Variants in VWC2 observed in about 807,000 individuals in gnomAD.
VWC2 encodes von Willebrand factor C domain containing 2.
A neutral mutation model predicts 29.8 loss-of-function variants in VWC2; 14 were observed. The ratio of observed to expected loss-of-function variants is 0.47; its 90% confidence interval spans 0.31 to 0.74. The LOEUF (loss-of-function observed/expected upper bound fraction) is 0.74. Ranked by LOEUF, VWC2 falls within the 30% of genes least tolerant of loss-of-function variation. VWC2 has a pLI of 0.05. For synonymous variants in VWC2, 213 were observed against 199.0 expected, an observed-to-expected ratio of 1.07 and a Z score of -0.59; for missense variants, 457 against 459.8, an observed-to-expected ratio of 0.99 and a Z score of 0.05.
chr7:49,817,295 A>G (rs570880895), intron 3 of VWC2, among the ~76,000 whole-genome samples: 33 of 152,346 alleles, frequency 2.2e-4, no homozygotes, highest in African/African-American at 7.5e-4. Flanking sequence ...CACAATATAC[A>G]ATAAAACTGT....
chr7:49,786,814 AT>A (rs1380332489), intron 2 of VWC2, among the ~76,000 whole-genome samples: 3 of 152,040 alleles, frequency 2.0e-5, no homozygotes, highest in African/African-American at 4.8e-5. Context: ...TCTCTTGCCC[AT>A]TTTTTAATGG....
At chr7:49,911,914 CAAA>C (rs1793463383) in intron 3 of VWC2, 117 bp from the exon 4 acceptor site, 1 of 751,562 alleles carries the variant, frequency 1.3e-6, no homozygotes, top group African/African-American at 2.1e-5. Flanking sequence ...AACAAACAAA[CAAA>C]TACACGCACA....
chr7:49,897,502 A>C (rs1421816668), intron 3 of VWC2, among the ~76,000 whole-genome samples: 1 of 152,226 alleles, frequency 6.6e-6, no homozygotes, highest in Non-Finnish European at 1.5e-5. Flanking sequence ...AACACTGATC[A>C]ATAGAGTTTC....
At chr7:49,839,554 G>A (rs553404312) in intron 3 of VWC2, among the ~76,000 whole-genome samples, 1 of 152,110 alleles carries the variant, frequency 6.6e-6, no homozygotes, top group Non-Finnish European at 1.5e-5. Context: ...ACCTAGGGGA[G>A]GTTTCACCTG....
At chr7:49,898,127 GTGTA>G (rs1166276770) in intron 3 of VWC2, among the ~76,000 whole-genome samples, 1 of 151,860 alleles carries the variant, frequency 6.6e-6, no homozygotes, top group African/African-American at 2.4e-5. Context: ...GTGTGTGTGT[GTGTA>G]TGTATGTGTG....
chr7:49,834,435 T>TC (rs1789610880), intron 3 of VWC2, among the ~76,000 whole-genome samples: 1 of 152,198 alleles, frequency 6.6e-6, no homozygotes, highest in African/African-American at 2.4e-5. Flanking sequence ...AAAGTAGGAC[T>TC]CCAATTATGT....
At chr7:49,835,769 A>G (rs531182003) in intron 3 of VWC2, among the ~76,000 whole-genome samples, 2 of 152,204 alleles carry the variant, frequency 1.3e-5, no homozygotes, top group Admixed American at 6.5e-5. Context: ...AGTAAAATGT[A>G]TGATTGATGG....
chr7:49,838,127 T>C (rs541541360), intron 3 of VWC2, among the ~76,000 whole-genome samples: 23 of 152,298 alleles, frequency 1.5e-4, no homozygotes, highest in Non-Finnish European at 2.9e-4. Flanking sequence ...GGACTGAAGA[T>C]CCTGAAGGCT....
rs1051111107 is a variant in VWC2 at position 49,914,381 on chromosome 7, T to C, written c.*2196T>C. 1 of 152,228 alleles carries C rather than the reference T, an allele frequency of 6.6e-6. No homozygotes were observed. Among genetic ancestry groups the C allele is most frequent in the Non-Finnish European group, 1.5e-5 (1 of 68,044 alleles). 9.4% of individuals were successfully genotyped at this position (152,228 alleles called of 1,614,324 possible). A position where few individuals can be genotyped will look rare whatever the true frequency, so the allele number is the denominator to read the frequency against. ...TAGAGAGAATGAACCCAGTATCATCTTGGGAAGTTAACTGACTCACTTGCT... is the reference window on the plus strand; with the variant it reads ...TAGAGAGAATGAACCCAGTATCATCCTGGGAAGTTAACTGACTCACTTGCT... On this transcript the variant is annotated 3_prime_UTR_variant, in exon 4 of 4. Transcript: ENST00000340652.
rs951442865 is a variant in VWC2 at position 49,918,495 on chromosome 7, A to G, written c.*6310A>G. On this transcript the variant is annotated 3_prime_UTR_variant, in exon 4 of 4. Coordinates refer to ENST00000340652, the MANE Select transcript of VWC2 (RefSeq NM_198570.5). ...TGTAGCCTCCCTAGTCTAAATGCTT[A>G]TGCTATATTTTGTTTCCTAAATCTA... 1 of 152,232 alleles carries G rather than the reference A, an allele frequency of 6.6e-6. No homozygotes were observed. Among genetic ancestry groups the G allele is most frequent in the Non-Finnish European group, 1.5e-5 (1 of 68,034 alleles). The allele number at this position is 152,232 out of a possible 1,614,324, so 9.4% of individuals were successfully genotyped here.
rs1793926931 is a variant in VWC2 at position 49,919,752 on chromosome 7, C to G, written c.*7567C>G. The stretch of plus-strand genomic sequence containing the variant: ...GGTGGACAGAGGTAGTCCCACTCAT[C>G]CCCAGGGGGCTCAGCTGCCACCGGC... On this transcript the variant is annotated 3_prime_UTR_variant, in exon 4 of 4. Coordinates refer to ENST00000340652, the MANE Select transcript of VWC2 (RefSeq NM_198570.5). 6.6e-6 allele frequency: 1 copy of G among 152,360 alleles called. No individual in the cohort carries two copies. Among genetic ancestry groups the G allele is most frequent in the South Asian group, 2.1e-4 (1 of 4,828 alleles). 9.4% of individuals were successfully genotyped at this position (152,360 alleles called of 1,614,324 possible). A position where few individuals can be genotyped will look rare whatever the true frequency, so the allele number is the denominator to read the frequency against.
At chr7:49,790,313 A>G (rs2128703621) in intron 2 of VWC2, among the ~76,000 whole-genome samples, 1 of 152,352 alleles carries the variant, frequency 6.6e-6, no homozygotes, top group Admixed American at 6.5e-5. Context: ...TCAGATTGTC[A>G]GGCTGCAGTA....
At chr7:49,873,610 T>C (rs1478525089) in intron 3 of VWC2, among the ~76,000 whole-genome samples, 1 of 152,156 alleles carries the variant, frequency 6.6e-6, no homozygotes, top group East Asian at 1.9e-4. Flanking sequence ...TGGAAAAAAG[T>C]TTGCCAGTAT....
At chr7:49,895,727 G>C (rs1792353881) in intron 3 of VWC2, among the ~76,000 whole-genome samples, 1 of 60,558 alleles carries the variant, frequency 1.7e-5, no homozygotes, top group Admixed American at 1.2e-4. Context: ...TAATTTTTCT[G>C]CCTGCATATT....
At chr7:49,785,829 C>T (rs932340377) in intron 2 of VWC2, among the ~76,000 whole-genome samples, 1 of 151,982 alleles carries the variant, frequency 6.6e-6, no homozygotes, top group African/African-American at 2.4e-5. Context: ...AGCTGACCAC[C>T]AAAAAATATT....
intron 3 of VWC2, among the ~76,000 whole-genome samples, chr7:49,836,020 T>C (rs1789648826): frequency 6.6e-6 from 1 of 152,210 alleles, no homozygotes; most frequent in Admixed American, 6.5e-5. Context: ...AATCATAATT[T>C]GCAAATGATA....
intron 2 of VWC2, among the ~76,000 whole-genome samples, chr7:49,782,079 C>T (rs552382123): frequency 2.8e-4 from 42 of 152,250 alleles, no homozygotes; most frequent in African/African-American, 9.9e-4. Flanking sequence ...TTTACTAGTG[C>T]CTGTATTTGA....
chr7:49,785,932 T>A (rs922295264), intron 2 of VWC2, among the ~76,000 whole-genome samples: 2 of 151,520 alleles, frequency 1.3e-5, no homozygotes, highest in African/African-American at 4.9e-5. Flanking sequence ...CAAGAAGGAG[T>A]GGATAAAACT....
intron 3 of VWC2, among the ~76,000 whole-genome samples, chr7:49,827,997 T>C (rs1170278214): frequency 1.3e-5 from 2 of 152,210 alleles, no homozygotes; most frequent in Non-Finnish European, 2.9e-5. Context: ...CATCCCAGAA[T>C]GTGCCCTCAT....
Sources: gnomAD v4.1 joint callset for allele counts (sites outside exome capture counted in the v4.1 genomes callset) on GRCh38, gnomAD v4.1.1 for gene constraint, MANE v1.5 for transcripts, NCBI Gene and HGNC (gene_info 2026-07-23, HGNC 2026-07-21) for gene names.